NCOA1: variants seen among roughly 807,000 people sequenced by gnomAD.
The protein encoded by NCOA1 is nuclear receptor coactivator 1.
In NCOA1, 35 loss-of-function variants were observed where a neutral mutation model predicts 150.9. The ratio of observed to expected loss-of-function variants is 0.23; its 90% CI spans 0.18 to 0.31. The LOEUF (loss-of-function observed/expected upper bound fraction) is 0.31. NCOA1 is among the 10% of genes least tolerant of loss of function. The probability of loss-of-function intolerance (pLI) is 1.00; values close to 1 mark genes in which losing one functional copy is unlikely to be tolerated. For missense variants in NCOA1, 1,491 were observed against 1,749.3 expected, an observed-to-expected ratio of 0.85 and a Z score of 2.63; for synonymous variants, 590 against 630.0, an observed-to-expected ratio of 0.94 and a Z score of 0.95.
intron 3 of NCOA1, among the ~76,000 whole-genome samples, chr2:24,628,982 A>C (rs992737511): frequency 6.6e-6 from 1 of 152,122 alleles, no homozygotes; most frequent in Non-Finnish European, 1.5e-5. Flanking sequence ...GGAATAGATA[A>C]GGTGGGGCTT....
chr2:24,732,109 A>G (rs868214152), intron 17 of NCOA1, among the ~76,000 whole-genome samples: 12 of 152,312 alleles, frequency 7.9e-5, no homozygotes, highest in Middle Eastern at 3.4e-3. Flanking sequence ...TCATGAATGA[A>G]TGGAATGATG....
At chr2:24,642,242 G>C (rs1334369049) in intron 3 of NCOA1, among the ~76,000 whole-genome samples, 1 of 151,254 alleles carries the variant, frequency 6.6e-6, no homozygotes, top group Non-Finnish European at 1.5e-5. Flanking sequence ...TCTAGCTCTT[G>C]AATTTCCATT....
intron 1 of NCOA1, among the ~76,000 whole-genome samples, chr2:24,506,199 T>C (rs1663686866): frequency 6.6e-6 from 1 of 151,930 alleles, no homozygotes; most frequent in Non-Finnish European, 1.5e-5. Flanking sequence ...TCATCATCAT[T>C]AGAATCTATG....
rs7582892 is a variant in NCOA1 at position 24,512,331 on chromosome 2, A to C, written c.-396+20729A>C. ...AGGGGTTTAGGAGCTCAATAGGTTT[A>C]ATAAGTTATTTTGCTTTTAGCAGTT... On this transcript the variant is annotated intron_variant, in intron 1 of 22. Transcript: ENST00000348332. Among the ~76,000 whole-genome samples, 685 of 152,346 alleles carry C rather than the reference A, an allele frequency of 4.5e-3. 3 individuals are homozygous for C. Among genetic ancestry groups the C allele is most frequent in the African/African-American group, 0.015 (642 of 41,584 alleles).
chr2:24,603,852 G>T (rs1001580692), intron 3 of NCOA1, among the ~76,000 whole-genome samples: 2 of 152,190 alleles, frequency 1.3e-5, no homozygotes, highest in African/African-American at 2.4e-5. Context: ...ATGGCATCCA[G>T]TATGATGAAG....
At chr2:24,715,676 A>G (rs903203230) in intron 14 of NCOA1, among the ~76,000 whole-genome samples, 1 of 152,208 alleles carries the variant, frequency 6.6e-6, no homozygotes, top group Non-Finnish European at 1.5e-5. Context: ...TAAATTTTAG[A>G]TGGAATAACA....
chr2:24,698,535 G>A (rs578149495), intron 11 of NCOA1, among the ~76,000 whole-genome samples: 3 of 152,238 alleles, frequency 2.0e-5, no homozygotes, highest in Admixed American at 6.5e-5. Context: ...CTACAGGAAC[G>A]ATAGGAAAAG....
chr2:24,628,567 A>G (rs148524976), intron 3 of NCOA1, among the ~76,000 whole-genome samples: 8 of 152,342 alleles, frequency 5.3e-5, no homozygotes, highest in Admixed American at 5.2e-4. Context: ...GAGATACACA[A>G]TAAACACATA....
At chr2:24,499,492 A>G (rs1663363826) in intron 1 of NCOA1, among the ~76,000 whole-genome samples, 1 of 151,644 alleles carries the variant, frequency 6.6e-6, no homozygotes. Context: ...TTCTTAGTGT[A>G]CTTCTTTTCC....
chr2:24,728,313 G>T lies in NCOA1; in HGVS notation c.2723G>T (p.Cys908Phe). Reference sequence around the variant, plus strand: ...CTTGTTTTTTAATCCTGCAGCCAGTGTATTAGCTCACAATTAGATGAGCTT... The same window carrying T: ...CTTGTTTTTTAATCCTGCAGCCAGTTTATTAGCTCACAATTAGATGAGCTT... ...AINQSKSEDQCISSQLDELLC... is the reference protein window; with the variant it reads ...AINQSKSEDQFISSQLDELLC... The change falls in exon 16 of 23, where the codon TGT (cysteine) becomes TTT (phenylalanine). Residue 908 changes from cysteine to phenylalanine, a missense_variant. By Grantham distance (205) the Cys-to-Phe change is radical. This residue lies in a region of NCOA1 where 703 missense variants were observed against 717.7 expected (regional missense o/e 0.98). Transcript: ENST00000348332. The T allele has an allele frequency of 6.2e-7, 1 of 1,610,142 alleles. No individual in the cohort carries two copies. Among genetic ancestry groups the T allele is most frequent in the Non-Finnish European group, 8.5e-7 (1 of 1,178,454 alleles).
intron 19 of NCOA1, among the ~76,000 whole-genome samples, chr2:24,751,091 C>T (rs1001744321): frequency 1.3e-5 from 2 of 150,688 alleles, no homozygotes; most frequent in Admixed American, 1.3e-4. Flanking sequence ...AGGTTCAAGC[C>T]ATTTTCGTGC....
chr2:24,506,786 T>C (rs1044337789), intron 1 of NCOA1, among the ~76,000 whole-genome samples: 2 of 152,180 alleles, frequency 1.3e-5, no homozygotes, highest in Non-Finnish European at 2.9e-5. Context: ...TTTTTGAGAA[T>C]TGCTTAAATA....
intron 1 of NCOA1, among the ~76,000 whole-genome samples, chr2:24,497,395 G>T (rs1283468567): frequency 6.6e-6 from 1 of 151,930 alleles, no homozygotes; most frequent in Admixed American, 6.6e-5. Flanking sequence ...AGATTCTTGT[G>T]GGCTGGGCGT....
chr2:24,652,201 A>T (rs981163982), intron 4 of NCOA1, among the ~76,000 whole-genome samples: 1 of 152,132 alleles, frequency 6.6e-6, no homozygotes, highest in African/African-American at 2.4e-5. Context: ...TTCAATTATT[A>T]AAAAGGCAGT....
intron 1 of NCOA1, among the ~76,000 whole-genome samples, 83 bp downstream of exon 1, chr2:24,491,685 G>A (rs1662965862): frequency 6.6e-6 from 1 of 150,892 alleles, no homozygotes; most frequent in Non-Finnish European, 1.5e-5. Flanking sequence ...CTAGGGGGCG[G>A]GGAGCAGCTG....
intron 1 of NCOA1, among the ~76,000 whole-genome samples, chr2:24,552,783 C>T (rs536731524): frequency 6.6e-6 from 1 of 152,100 alleles, no homozygotes; most frequent in African/African-American, 2.4e-5. Flanking sequence ...TCGTTACTAC[C>T]ACTAGAAGTA....
chr2:24,711,430 T>TA (rs1377859627), intron 14 of NCOA1: 1 of 185,434 alleles, frequency 5.4e-6, no homozygotes, highest in East Asian at 1.3e-4. Context: ...TGTTTCCAGA[T>TA]ATCTTCCTTG....
intron 7 of NCOA1, among the ~76,000 whole-genome samples, chr2:24,678,297 A>C (rs1277640364): frequency 6.6e-6 from 1 of 152,178 alleles, no homozygotes; most frequent in Non-Finnish European, 1.5e-5. Flanking sequence ...ATTGATGGGC[A>C]TTTAGGTTGA....
intron 10 of NCOA1, among the ~76,000 whole-genome samples, chr2:24,696,732 C>T (rs1258730703): frequency 6.6e-6 from 1 of 152,004 alleles, no homozygotes; most frequent in Admixed American, 6.6e-5. Context: ...AAACCGATAA[C>T]AGTCTAGATG....
Sources: allele counts gnomAD v4.1 joint callset (sites outside exome capture counted in the v4.1 genomes callset), GRCh38; gene constraint gnomAD v4.1.1; regional missense constraint gnomAD v4.1.1; transcripts MANE v1.5; gene names NCBI Gene and HGNC (gene_info 2026-07-23, HGNC 2026-07-21).